Variants in LRP1B observed in about 807,000 individuals in gnomAD.
LRP1B encodes LDL receptor related protein 1B.
LRP1B carries 217 observed loss-of-function variants against 556.6 expected under a neutral mutation model. That is an observed-to-expected ratio of 0.39 (90% CI 0.35 to 0.44). LRP1B has a LOEUF of 0.44. Ranked by LOEUF, LRP1B falls within the 20% of genes least tolerant of loss-of-function variation. The probability of loss-of-function intolerance (pLI) is 1.00; values close to 1 mark genes in which losing one functional copy is unlikely to be tolerated. For missense variants in LRP1B, 5,053 were observed against 5,620.8 expected (o/e 0.90, Z 3.23); for synonymous variants, 2,047 against 1,865.8 (o/e 1.10, Z -2.50).
chr2:141,043,474 C>T (rs1365218284), intron 11 of LRP1B, among the ~76,000 whole-genome samples: 2 of 151,672 alleles, frequency 1.3e-5, no homozygotes, highest in Admixed American at 6.6e-5. Flanking sequence ...GTAAAGAAAG[C>T]CTTTGTATTA....
intron 1 of LRP1B, among the ~76,000 whole-genome samples, chr2:141,865,458 G>A (rs1274208928): frequency 7.3e-5 from 11 of 150,198 alleles, no homozygotes; most frequent in African/African-American, 2.2e-4. Context: ...CGGGCGTAGT[G>A]GCGGGCGCCT....
At chr2:141,282,261 TA>T (rs975874251) in intron 3 of LRP1B, among the ~76,000 whole-genome samples, 4 of 151,960 alleles carry the variant, frequency 2.6e-5, no homozygotes, top group African/African-American at 9.7e-5. Context: ...ATAATATAAA[TA>T]AAACACTAGT....
At chr2:140,754,116 C>T (rs1391662473) in intron 35 of LRP1B, among the ~76,000 whole-genome samples, 1 of 152,152 alleles carries the variant, frequency 6.6e-6, no homozygotes, top group Non-Finnish European at 1.5e-5. Flanking sequence ...CAAACCTCTC[C>T]CCAAAAGAAC....
chr2:141,436,407 G>A (rs1246696318), intron 3 of LRP1B, among the ~76,000 whole-genome samples: 1 of 152,128 alleles, frequency 6.6e-6, no homozygotes, highest in South Asian at 2.1e-4. Flanking sequence ...GTTGCCAGGG[G>A]TTGAGAGATG....
At chr2:141,434,870 A>AT (rs1392878172) in intron 3 of LRP1B, among the ~76,000 whole-genome samples, 3 of 152,020 alleles carry the variant, frequency 2.0e-5, no homozygotes, top group Admixed American at 6.6e-5. Flanking sequence ...TTCTCTCCGC[A>AT]TTTTTTCTTT....
chr2:141,304,950 C>T (rs1686531753), intron 3 of LRP1B, among the ~76,000 whole-genome samples: 1 of 152,132 alleles, frequency 6.6e-6, no homozygotes, highest in Non-Finnish European at 1.5e-5. Flanking sequence ...CTATTCTGTT[C>T]CATTGGTCTA....
At chr2:140,268,401 A>G (rs1422217536) in intron 86 of LRP1B, among the ~76,000 whole-genome samples, 2 of 152,012 alleles carry the variant, frequency 1.3e-5, no homozygotes, top group Admixed American at 6.6e-5. Context: ...CCTTCAGCTC[A>G]AGCCTCTGCC....
intron 41 of LRP1B, among the ~76,000 whole-genome samples, chr2:140,656,214 T>C (rs1559035669): frequency 1.3e-5 from 2 of 152,196 alleles, no homozygotes; most frequent in South Asian, 4.1e-4. Flanking sequence ...GATTCTGTAA[T>C]GTAAAAACAT....
Position 140,481,578 on chromosome 2 carries a change from TTTATTATTA to T in LRP1B, c.9425+3756_9425+3764del, listed in dbSNP as rs539100695. On this transcript the variant is annotated intron_variant, in intron 59 of 90. Coordinates refer to ENST00000389484, the MANE Select transcript of LRP1B (RefSeq NM_018557.3). ...AAATGCTATAGAAATGGTAGCCATC[TTTATTATTA>T]TTATTATTATTATTATTATTATTAT... Among the ~76,000 whole-genome samples, 706 of 137,114 alleles carry T rather than the reference TTTATTATTA, an allele frequency of 5.1e-3. 7 individuals carry two copies. Among genetic ancestry groups the T allele is most frequent in the Non-Finnish European group, 7.2e-3 (453 of 63,266 alleles). 90.0% of individuals were successfully genotyped at this position (137,114 alleles called of 152,430 possible).
At chr2:141,613,965 C>T (rs923832257) in intron 2 of LRP1B, among the ~76,000 whole-genome samples, 7 of 147,304 alleles carry the variant, frequency 4.8e-5, no homozygotes, top group Non-Finnish European at 7.4e-5. Flanking sequence ...CCCAGCTACT[C>T]GGGAGGCTGA....
At chr2:141,951,706 A>G (rs1294195533) in intron 1 of LRP1B, among the ~76,000 whole-genome samples, 4 of 152,184 alleles carry the variant, frequency 2.6e-5, no homozygotes, top group Admixed American at 2.6e-4. Context: ...TTCACATTTC[A>G]TATATAGACA....
intron 86 of LRP1B, among the ~76,000 whole-genome samples, chr2:140,255,870 CAG>C (rs1681652209): frequency 1.3e-5 from 2 of 152,090 alleles, no homozygotes; most frequent in Admixed American, 1.3e-4. Context: ...CATATAAGAC[CAG>C]AGAAAATAAG....
intron 79 of LRP1B, among the ~76,000 whole-genome samples, chr2:140,333,983 C>G (rs1451950590): frequency 2.1e-5 from 3 of 141,520 alleles, no homozygotes; most frequent in Admixed American, 7.1e-5. Context: ...GAAAAGAGCT[C>G]TGAATGAAAA....
intron 41 of LRP1B, among the ~76,000 whole-genome samples, chr2:140,609,089 AG>A (rs1242402881): frequency 6.6e-6 from 1 of 152,150 alleles, no homozygotes; most frequent in African/African-American, 2.4e-5. Context: ...GACTTTCTGA[AG>A]ATTAAACTAA....
At chr2:140,670,142 T>C (rs1685427291) in intron 41 of LRP1B, among the ~76,000 whole-genome samples, 1 of 152,144 alleles carries the variant, frequency 6.6e-6, no homozygotes, top group African/African-American at 2.4e-5. Context: ...TAAGAATGCA[T>C]AACATAGAAA....
intron 2 of LRP1B, among the ~76,000 whole-genome samples, chr2:141,755,306 A>G (rs1694276100): frequency 6.6e-6 from 1 of 152,104 alleles, no homozygotes; most frequent in Non-Finnish European, 1.5e-5. Context: ...ATAGGTTCTT[A>G]TAAACCAATA....
chr2:141,550,653 A>C (rs1685717601), intron 2 of LRP1B, among the ~76,000 whole-genome samples: 1 of 152,130 alleles, frequency 6.6e-6, no homozygotes, highest in Non-Finnish European at 1.5e-5. Flanking sequence ...CTTAATAGAC[A>C]TCCCACCTCT....
At chr2:141,995,585 G>C (rs192714518) in intron 1 of LRP1B, among the ~76,000 whole-genome samples, 6 of 152,096 alleles carry the variant, frequency 3.9e-5, no homozygotes, top group Admixed American at 2.0e-4. Context: ...ATGAGAACAT[G>C]GGCATTTTCA....
intron 35 of LRP1B, among the ~76,000 whole-genome samples, chr2:140,768,587 T>G (rs1273873175): frequency 1.1e-4 from 16 of 152,062 alleles, no homozygotes; most frequent in Middle Eastern, 3.4e-3. Context: ...CTTCAGTAAA[T>G]TCAACAGTGT....
Sources: allele counts gnomAD v4.1 joint callset (sites outside exome capture counted in the v4.1 genomes callset), GRCh38; gene constraint gnomAD v4.1.1; transcripts MANE v1.5; gene names NCBI Gene and HGNC (gene_info 2026-07-23, HGNC 2026-07-21).